Variants in NIPAL2 observed in about 807,000 individuals in gnomAD.
NIPAL2 encodes the protein NIPA like domain containing 2, also known as NIPA-like protein 2.
A neutral mutation model predicts 48.9 loss-of-function variants in NIPAL2; 43 were observed. That is an observed-to-expected ratio of 0.88 (90% CI 0.69 to 1.13). The LOEUF (loss-of-function observed/expected upper bound fraction) is 1.13. Among genes scored for constraint, NIPAL2 ranks in the 50% most tolerant of loss-of-function variants. NIPAL2 has a pLI of 0.00. For missense variants in NIPAL2, 446 were observed against 461.4 expected, an observed-to-expected ratio of 0.97 and a Z score of 0.31; for synonymous variants, 167 against 174.6, an observed-to-expected ratio of 0.96 and a Z score of 0.34.
chr8:98,204,988 G>A, intron 7 of NIPAL2, 123 bp downstream of exon 7: 3 of 1,036,158 alleles, frequency 2.9e-6, no homozygotes, highest in Non-Finnish European at 2.9e-6. Flanking sequence ...ACAAGCTACA[G>A]GCCCTTCACC....
At position 98,294,205 on chromosome 8, in the gene NIPAL2, G is replaced by A. The variant is rs956152645; in HGVS notation, c.-68C>T. The A allele has an allele frequency of 1.1e-5, 13 of 1,222,030 alleles. No homozygotes were observed. The African/African-American group carries it at 1.9e-4, about 18-fold the overall frequency. The allele number at this position is 1,222,030 out of a possible 1,614,324, so 75.7% of individuals were successfully genotyped here. A position where few individuals can be genotyped will look rare whatever the true frequency, so the allele number is the denominator to read the frequency against. On this transcript the variant is annotated 5_prime_UTR_variant, in exon 1 of 11. Coordinates refer to ENST00000430223, the MANE Select transcript of NIPAL2 (RefSeq NM_001321635.2). ...CCGCCTCCCCGCCCTGTTGCACCGC[G>A]AGGAGGCCGCGCCGCAGCCACTTCC...
In NIPAL2 at chr8:98,275,014, G is replaced by A. The variant is rs558136424; in HGVS notation, c.135+18989C>T. ...TGAAATAATTATGGATTCATAGTAG[G>A]TTGCAAATAAATGTATAGGGGGTTC... On this transcript the variant is annotated intron_variant, in intron 1 of 10. Transcript: ENST00000430223. Among the ~76,000 whole-genome samples the A allele has an allele frequency of 2.1e-4, 32 of 152,072 alleles. No homozygotes were observed. The South Asian group carries it at 6.6e-3, about 31-fold the overall frequency.
chr8:98,206,632 C>CA (rs1453187985), intron 6 of NIPAL2, among the ~76,000 whole-genome samples: 1 of 151,708 alleles, frequency 6.6e-6, no homozygotes, highest in Non-Finnish European at 1.5e-5. Flanking sequence ...ACTAAAAATA[C>CA]AAAAAATTAG....
intron 4 of NIPAL2, among the ~76,000 whole-genome samples, chr8:98,233,875 T>G (rs1812572266): frequency 6.6e-6 from 1 of 152,218 alleles, no homozygotes; most frequent in African/African-American, 2.4e-5. Context: ...TTATTCCCTC[T>G]GTATGTCCTC....
intron 1 of NIPAL2, among the ~76,000 whole-genome samples, chr8:98,266,484 C>T (rs1049976923): frequency 6.6e-6 from 1 of 150,380 alleles, no homozygotes; most frequent in East Asian, 2.0e-4. Flanking sequence ...CACCTGCAAT[C>T]CCAGCTACTC....
intron 1 of NIPAL2, among the ~76,000 whole-genome samples, chr8:98,273,894 AT>A (rs1201007133): frequency 1.3e-5 from 2 of 152,048 alleles, no homozygotes; most frequent in African/African-American, 4.8e-5. Context: ...AGTCATTGTC[AT>A]TTAGTTCTAA....
chr8:98,234,308 C>G (rs143831741), intron 4 of NIPAL2, among the ~76,000 whole-genome samples: 1 of 152,028 alleles, frequency 6.6e-6, no homozygotes, highest in African/African-American at 2.4e-5. Flanking sequence ...TACTTGTGGA[C>G]GGGGATTCTG....
intron 6 of NIPAL2, among the ~76,000 whole-genome samples, chr8:98,206,819 G>A (rs1296731973): frequency 2.0e-5 from 3 of 151,118 alleles, no homozygotes; most frequent in African/African-American, 7.3e-5. Context: ...ATTGACAGAG[G>A]AGATCAGGTG....
rs1811514936 is a variant in NIPAL2, at chr8:98,215,201, T to C, written c.559-2700A>G. On this transcript the variant is annotated intron_variant, in intron 5 of 10. Coordinates refer to ENST00000430223, the MANE Select transcript of NIPAL2 (RefSeq NM_001321635.2). ...TAGAAACCATGTATGACTTTTTTCA[T>C]GTGTGGTTAAATTCCATCTCTGTGG... 2.0e-5 allele frequency among the ~76,000 whole-genome samples: 3 copies of C among 152,260 alleles called. No individual in the cohort carries two copies. In the South Asian group the frequency reaches 6.2e-4, roughly 32 times the overall value.
intron 5 of NIPAL2, among the ~76,000 whole-genome samples, chr8:98,213,557 A>T (rs944480232): frequency 6.6e-6 from 1 of 150,408 alleles, no homozygotes; most frequent in Non-Finnish European, 1.5e-5. Flanking sequence ...TGTACCACTC[A>T]CTCCTGGATG....
intron 1 of NIPAL2, among the ~76,000 whole-genome samples, chr8:98,264,082 C>G (rs892398108): frequency 2.0e-5 from 3 of 151,968 alleles, no homozygotes; most frequent in East Asian, 3.9e-4. Context: ...ATTCAACAAC[C>G]CTTATGCTAA....
intron 1 of NIPAL2, among the ~76,000 whole-genome samples, chr8:98,293,504 T>A (rs1462166831): frequency 2.0e-5 from 3 of 152,216 alleles, no homozygotes; most frequent in Non-Finnish European, 4.4e-5. Flanking sequence ...ATGGAAGAGC[T>A]GTGTTGAGAT....
intron 5 of NIPAL2, among the ~76,000 whole-genome samples, chr8:98,216,226 G>C (rs1811567302): frequency 6.6e-6 from 1 of 152,212 alleles, no homozygotes; most frequent in Non-Finnish European, 1.5e-5. Context: ...CACCCCAGAA[G>C]TGAACAAACT....
intron 8 of NIPAL2, among the ~76,000 whole-genome samples, chr8:98,196,988 T>C (rs557995658): frequency 6.6e-6 from 1 of 152,234 alleles, no homozygotes; most frequent in African/African-American, 2.4e-5. Context: ...TACTTCCTTA[T>C]AATCATTTTA....
At chr8:98,245,300 G>A (rs1456051789) in intron 3 of NIPAL2, among the ~76,000 whole-genome samples, 1 of 152,170 alleles carries the variant, frequency 6.6e-6, no homozygotes, top group Non-Finnish European at 1.5e-5. Context: ...TTCCCCGTTA[G>A]TTGTAGAACT....
At chr8:98,265,832 C>T (rs1010990595) in intron 1 of NIPAL2, among the ~76,000 whole-genome samples, 39 of 148,792 alleles carry the variant, frequency 2.6e-4, no homozygotes, top group Middle Eastern at 3.4e-3. Context: ...CACATGCACA[C>T]GTATGTTTAT....
chr8:98,234,938 A>G (rs1812634171), intron 4 of NIPAL2, among the ~76,000 whole-genome samples: 1 of 152,212 alleles, frequency 6.6e-6, no homozygotes, highest in Non-Finnish European at 1.5e-5. Flanking sequence ...GAAAAATAAT[A>G]TGTTGGAAGA....
chr8:98,272,739 C>T (rs898220605), intron 1 of NIPAL2, among the ~76,000 whole-genome samples: 4 of 151,754 alleles, frequency 2.6e-5, no homozygotes, highest in South Asian at 2.1e-4. Context: ...CTCAGGCTCC[C>T]GAGTAACTGT....
intron 6 of NIPAL2, among the ~76,000 whole-genome samples, chr8:98,211,733 A>AGAGAGTGT (rs1554562908): frequency 9.2e-6 from 1 of 109,104 alleles, no homozygotes; most frequent in Non-Finnish European, 1.8e-5. Context: ...AGAGAGAGAA[A>AGAGAGTGT]GTGTGTGTGT....
Sources: gnomAD v4.1 joint callset for allele counts (sites outside exome capture counted in the v4.1 genomes callset) on GRCh38, gnomAD v4.1.1 for gene constraint, MANE v1.5 for transcripts, NCBI Gene and HGNC (gene_info 2026-07-23, HGNC 2026-07-21) for gene names.